The following LEF1 variants were observed in gnomAD, a reference collection of about 807,000 sequenced individuals.
LEF1 encodes the protein lymphoid enhancer binding factor 1, also known as lymphoid enhancer-binding factor 1.
LEF1 carries 14 observed loss-of-function variants against 51.2 expected under a neutral mutation model. The ratio of observed to expected loss-of-function variants is 0.27; its 90% confidence interval spans 0.18 to 0.43. The LOEUF (loss-of-function observed/expected upper bound fraction) is 0.43, where lower values mean the gene tolerates loss of function less well. Ranked by LOEUF, LEF1 falls within the 20% of genes least tolerant of loss-of-function variation. LEF1 has a pLI of 1.00. For missense variants in LEF1, 386 were observed against 512.0 expected (o/e 0.75, Z 2.37); for synonymous variants, 185 against 183.2 (o/e 1.01, Z -0.08).
chr4:108,049,154 A>C (rs911268030), intron 11 of LEF1, among the ~76,000 whole-genome samples: 3 of 152,208 alleles, frequency 2.0e-5, no homozygotes, highest in African/African-American at 7.2e-5. Flanking sequence ...CCACTGTGGG[A>C]AGCCACTGTA....
rs764159891 is a variant in LEF1 at position 108,070,696 on chromosome 4, C to T, written c.1083G>A (p.Gln361=). The change falls in exon 9 of 12, where the codon CAG becomes CAA. Residue 361 remains glutamine (Q), a synonymous_variant. Coordinates refer to ENST00000265165, the MANE Select transcript of LEF1 (RefSeq NM_016269.5). Reference sequence around the variant, plus strand: ...CTCTTGCAGACCAGCCTGGATAAAGCTGCATATGTAGCTGTCTTTCTTTCC... The same window carrying T: ...CTCTTGCAGACCAGCCTGGATAAAGTTGCATATGTAGCTGTCTTTCTTTCC... ...LARKERQLHM[Q]LYPGWSARDN... is the part of the protein sequence containing the mutation. 1.2e-5 allele frequency: 20 copies of T among 1,613,832 alleles called. No homozygotes were observed. In the East Asian group the frequency reaches 4.2e-4, roughly 34 times the overall value.
At chr4:108,157,319 G>A (rs1744797307) in intron 3 of LEF1, among the ~76,000 whole-genome samples, 1 of 151,886 alleles carries the variant, frequency 6.6e-6, no homozygotes, top group South Asian at 2.1e-4. Flanking sequence ...TCCTGCCTCA[G>A]CCTCCTGAGT....
In LEF1 at chr4:108,083,380, C is replaced by T; in HGVS notation, c.614G>A (p.Gly205Glu). ...TFYPLSPGGV[G>E]QITPPLGWQG... ...CCAGCCAAGAGGTGGGGTGATCTGT[C>T]CAACACCACCCGGAGACAAGGGATA... The change falls in exon 5 of 12, where the codon GGA becomes GAA. Residue 205 changes from glycine to glutamate, a missense_variant. Coordinates refer to ENST00000265165, the MANE Select transcript of LEF1 (RefSeq NM_016269.5). 6.2e-7 allele frequency: 1 copy of T among 1,613,376 alleles called. No individual in the cohort carries two copies. Among genetic ancestry groups the T allele is most frequent in the Non-Finnish European group, 8.5e-7 (1 of 1,179,374 alleles).
intron 3 of LEF1, among the ~76,000 whole-genome samples, chr4:108,094,830 G>A (rs1263980658): frequency 6.6e-6 from 1 of 152,174 alleles, no homozygotes; most frequent in African/African-American, 2.4e-5. Flanking sequence ...TTGTTATGGT[G>A]GCATTTTTGC....
chr4:108,061,219 G>T (rs6533346), intron 11 of LEF1, among the ~76,000 whole-genome samples: 1 of 151,960 alleles, frequency 6.6e-6, no homozygotes, highest in African/African-American at 2.4e-5. Flanking sequence ...ATGTTTTAGG[G>T]GGGTAGGGTG....
chr4:108,085,962 T>G (rs558915218), intron 4 of LEF1, among the ~76,000 whole-genome samples: 18 of 152,336 alleles, frequency 1.2e-4, no homozygotes, highest in African/African-American at 4.3e-4. Flanking sequence ...CAGAGGAGCC[T>G]CTTAGTTAAT....
At chr4:108,085,437 C>G (rs1255474930) in intron 4 of LEF1, among the ~76,000 whole-genome samples, 1 of 152,156 alleles carries the variant, frequency 6.6e-6, no homozygotes, top group Non-Finnish European at 1.5e-5. Flanking sequence ...CTAGAGGGAC[C>G]AAGTGACTGT....
At position 108,164,576 on chromosome 4, in the gene LEF1, G is replaced by T. The variant is rs372495956; in HGVS notation, c.280+521C>A. Among the ~76,000 whole-genome samples, 6 of 152,228 alleles carry T rather than the reference G, an allele frequency of 3.9e-5. No homozygotes were observed. In the South Asian group the frequency reaches 8.3e-4, roughly 21 times the overall value. ...CAAGAATCAGAAATAGGGAGAAAGG[G>T]TATCATTTCTGATATGCACATTCCT... is the stretch of plus-strand genomic sequence containing the variant. On this transcript the variant is annotated intron_variant, in intron 2 of 11. Coordinates refer to ENST00000265165, the MANE Select transcript of LEF1 (RefSeq NM_016269.5).
rs559525740 is a variant in LEF1, at chr4:108,063,227, T to C, written c.*6+396A>G. 3.0e-3 allele frequency among the ~76,000 whole-genome samples: 461 copies of C among 152,304 alleles called. 2 individuals are homozygous for C. Among genetic ancestry groups the C allele is most frequent in the African/African-American group, 0.011 (448 of 41,560 alleles). The stretch of plus-strand genomic sequence containing the variant: ...CTCTACTGAGCAAAAGCTTGGGAGT[T>C]CTGGGCTAAAATGGTGCTCCTCAAA... On this transcript the variant is annotated intron_variant, in intron 11 of 11. Transcript: ENST00000265165.
Position 108,165,333 on chromosome 4 carries a change from T to C in LEF1, c.214-170A>G, listed in dbSNP as rs558961766. 14 of 545,582 alleles carry C rather than the reference T, an allele frequency of 2.6e-5. No homozygotes were observed. In the South Asian group the frequency reaches 4.0e-4, roughly 16 times the overall value. 33.8% of individuals were successfully genotyped at this position (545,582 alleles called of 1,614,324 possible). A position where few individuals can be genotyped will look rare whatever the true frequency, so the allele number is the denominator to read the frequency against. The stretch of plus-strand genomic sequence containing the variant: ...TGTTTAGTACTGCATAATCCTTTTC[T>C]TGTCAACATGTATTTTTGAGTGATT... On this transcript the variant is annotated intron_variant, in intron 1 of 11. Transcript: ENST00000265165.
intron 3 of LEF1, among the ~76,000 whole-genome samples, chr4:108,112,542 T>C (rs905645224): frequency 6.6e-6 from 1 of 152,198 alleles, no homozygotes; most frequent in Admixed American, 6.5e-5. Context: ...ACCTTGGGCA[T>C]GTTACTTATT....
chr4:108,052,299 A>G (rs1737053189), intron 11 of LEF1, among the ~76,000 whole-genome samples: 1 of 152,204 alleles, frequency 6.6e-6, no homozygotes, highest in African/African-American at 2.4e-5. Context: ...GGATACAAAA[A>G]AAGTGAGTTG....
intron 9 of LEF1, 96 bp from the exon 10 acceptor site, chr4:108,064,480 G>A: frequency 2.3e-6 from 2 of 856,518 alleles, no homozygotes; most frequent in Non-Finnish European, 3.8e-6. Flanking sequence ...CAACAAAGAG[G>A]TAAAGATGAC....
At chr4:108,058,885 G>A (rs927779623) in intron 11 of LEF1, among the ~76,000 whole-genome samples, 15 of 152,120 alleles carry the variant, frequency 9.9e-5, no homozygotes, top group African/African-American at 1.7e-4. Flanking sequence ...TCATGACACC[G>A]GTCTTCCAGC....
At chr4:108,104,952 C>T (rs1225545908) in intron 3 of LEF1, among the ~76,000 whole-genome samples, 2 of 152,072 alleles carry the variant, frequency 1.3e-5, no homozygotes, top group East Asian at 3.9e-4. Context: ...TAGGCTTGTT[C>T]TCAGCTGCCA....
intron 3 of LEF1, among the ~76,000 whole-genome samples, chr4:108,089,983 A>G (rs1039058896): frequency 6.6e-6 from 1 of 151,978 alleles, no homozygotes; most frequent in African/African-American, 2.4e-5. Flanking sequence ...AATATGAAAT[A>G]CTGTCTTTTT....
At chr4:108,151,276 T>A (rs367638929) in intron 3 of LEF1, among the ~76,000 whole-genome samples, 1 of 152,336 alleles carries the variant, frequency 6.6e-6, no homozygotes, top group Middle Eastern at 3.4e-3. Context: ...TCCACTAGCA[T>A]CATAATAGCT....
At chr4:108,065,737 G>T (rs1738038062) in intron 9 of LEF1, among the ~76,000 whole-genome samples, 1 of 152,084 alleles carries the variant, frequency 6.6e-6, no homozygotes, top group Admixed American at 6.5e-5. Context: ...TTGTTAATTT[G>T]ATTATTACAG....
intron 10 of LEF1, among the ~76,000 whole-genome samples, chr4:108,064,064 A>C (rs1336168673): frequency 6.6e-6 from 1 of 152,208 alleles, no homozygotes; most frequent in Non-Finnish European, 1.5e-5. Context: ...ACAGAAGCAA[A>C]AATAAAACAA....
Sources: gnomAD v4.1 joint callset for allele counts (sites outside exome capture counted in the v4.1 genomes callset) on GRCh38, gnomAD v4.1.1 for gene constraint, MANE v1.5 for transcripts, NCBI Gene and HGNC (gene_info 2026-07-23, HGNC 2026-07-21) for gene names.